Variants in ABTB2 observed in about 807,000 individuals in gnomAD.
The protein encoded by ABTB2 is ankyrin repeat and BTB domain containing 2.
In ABTB2, 56 loss-of-function variants were observed where a neutral mutation model predicts 104.1. The observed-to-expected ratio is 0.54, with a 90% CI of 0.43 to 0.67. The LOEUF (loss-of-function observed/expected upper bound fraction) is 0.67. Among genes scored for constraint, ABTB2 ranks in the 30% least tolerant of loss-of-function variants. ABTB2 has a pLI of 0.00. For synonymous variants in ABTB2, 606 were observed against 608.2 expected, an observed-to-expected ratio of 1.00 and a Z score of 0.05; for missense variants, 1,279 against 1,407.7, an observed-to-expected ratio of 0.91 and a Z score of 1.46.
chr11:34,231,165 G>A (rs1427528841), intron 1 of ABTB2, among the ~76,000 whole-genome samples: 6 of 152,180 alleles, frequency 3.9e-5, no homozygotes, highest in Admixed American at 1.3e-4. Context: ...CTAAAATGAT[G>A]AGATGGGAGC....
intron 13 of ABTB2, 81 bp downstream of exon 13, chr11:34,159,825 A>C: frequency 8.8e-7 from 1 of 1,135,152 alleles, no homozygotes. Flanking sequence ...AGCCCCAGCG[A>C]GTCACTCTCT....
At chr11:34,209,161 C>T (rs117094824) in intron 1 of ABTB2, among the ~76,000 whole-genome samples, 1 of 152,024 alleles carries the variant, frequency 6.6e-6, no homozygotes, top group Non-Finnish European at 1.5e-5. Flanking sequence ...GCCTGGCCAC[C>T]GTGGTGAAAC....
intron 1 of ABTB2, among the ~76,000 whole-genome samples, chr11:34,244,372 T>C (rs1376395712): frequency 2.0e-5 from 3 of 152,160 alleles, no homozygotes; most frequent in African/African-American, 4.8e-5. Context: ...CAGCAGCAGT[T>C]TCACCACAAT....
rs113526013 is a variant in ABTB2, at chr11:34,196,349, C to T, written c.1244+976G>A. ...CGCGTGGATCACGAGATCAGGAGAT[C>T]GAGACCATCCTTGCTAACACAGTGC... On this transcript the variant is annotated intron_variant, in intron 3 of 16. Coordinates refer to ENST00000435224, the MANE Select transcript of ABTB2 (RefSeq NM_145804.3). Among the ~76,000 whole-genome samples, 555 of 152,182 alleles carry T rather than the reference C, an allele frequency of 3.6e-3. 4 individuals carry two copies. The highest frequency in any genetic ancestry group is 0.013 in the African/African-American group (521 of 41,506).
chr11:34,180,505 C>T (rs1241882018), intron 3 of ABTB2, among the ~76,000 whole-genome samples: 2 of 152,198 alleles, frequency 1.3e-5, no homozygotes, highest in Non-Finnish European at 2.9e-5. Flanking sequence ...CAGACAAATC[C>T]CAGAGATGGA....
chr11:34,330,471 A>G (rs1855115587), intron 1 of ABTB2, among the ~76,000 whole-genome samples: 2 of 152,378 alleles, frequency 1.3e-5, no homozygotes, highest in East Asian at 1.9e-4. Context: ...GAAAGACACA[A>G]TAAATGGTAG....
chr11:34,167,269 G>C lies in ABTB2; in HGVS notation c.1745C>G (p.Ser582Cys). 1 of 1,611,042 alleles carries C rather than the reference G, an allele frequency of 6.2e-7. No homozygotes were observed. The highest frequency in any genetic ancestry group is 1.3e-5 in the African/African-American group (1 of 75,020). ...CTGGCAGGAGCTCACCTGGACCACAGAGATGTGTCCATGCAGCACAGCGAA... is the reference window on the plus strand; with the variant it reads ...CTGGCAGGAGCTCACCTGGACCACACAGATGTGTCCATGCAGCACAGCGAA... ...LTFAVLHGHI[S>C]VVQLLLDAGA... The change falls in exon 7 of 17, where the codon TCT becomes TGT. Residue 582 changes from serine (S) to cysteine (C), a missense_variant. Physicochemically the swap from Ser to Cys is moderately radical, Grantham distance 112. Coordinates refer to ENST00000435224, the MANE Select transcript of ABTB2 (RefSeq NM_145804.3).
At chr11:34,319,914 C>T (rs2133110302) in intron 1 of ABTB2, among the ~76,000 whole-genome samples, 1 of 152,252 alleles carries the variant, frequency 6.6e-6, no homozygotes, top group Non-Finnish European at 1.5e-5. Flanking sequence ...GTGATCCACC[C>T]ACCTCGGCCT....
chr11:34,309,476 AACACCAGAGGCAG>A (rs1854823558), intron 1 of ABTB2, among the ~76,000 whole-genome samples: 2 of 151,808 alleles, frequency 1.3e-5, no homozygotes, highest in Admixed American at 6.6e-5. Flanking sequence ...TACCGTGCTC[AACACCAGAGGCAG>A]TGCTGGGAGC....
intron 1 of ABTB2, among the ~76,000 whole-genome samples, chr11:34,226,821 T>C (rs752413608): frequency 1.3e-5 from 2 of 151,888 alleles, no homozygotes; most frequent in Non-Finnish European, 2.9e-5. Context: ...ATCCCAGCAC[T>C]TTGGGAGGCC....
intron 1 of ABTB2, among the ~76,000 whole-genome samples, chr11:34,302,852 G>T (rs1854723731): frequency 6.6e-6 from 1 of 152,172 alleles, no homozygotes; most frequent in Non-Finnish European, 1.5e-5. Context: ...CCAGGGGATT[G>T]GGAGCTACTC....
intron 1 of ABTB2, among the ~76,000 whole-genome samples, chr11:34,306,045 CT>C (rs1249466481): frequency 2.0e-5 from 3 of 152,002 alleles, no homozygotes; most frequent in Non-Finnish European, 4.4e-5. Flanking sequence ...AAAAATAATT[CT>C]AAAACATACC....
chr11:34,334,559 T>C (rs1855169685), intron 1 of ABTB2, among the ~76,000 whole-genome samples: 1 of 152,166 alleles, frequency 6.6e-6, no homozygotes, highest in Non-Finnish European at 1.5e-5. Flanking sequence ...TAATTAGCTA[T>C]AATGTGAACT....
intron 14 of ABTB2, among the ~76,000 whole-genome samples, chr11:34,158,330 G>A (rs551884670): frequency 4.6e-5 from 7 of 152,260 alleles, no homozygotes; most frequent in African/African-American, 1.7e-4. Flanking sequence ...GGAGAATGGC[G>A]TGAACCCGGG....
intron 1 of ABTB2, among the ~76,000 whole-genome samples, chr11:34,251,466 C>T (rs1854055868): frequency 6.6e-6 from 1 of 152,174 alleles, no homozygotes; most frequent in Admixed American, 6.5e-5. Context: ...GGGTGGCTGG[C>T]TCTGTTAAAG....
chr11:34,228,495 C>T (rs535822447), intron 1 of ABTB2, among the ~76,000 whole-genome samples: 1 of 152,298 alleles, frequency 6.6e-6, no homozygotes, highest in South Asian at 2.1e-4. Flanking sequence ...AGTAATTCTC[C>T]TGCCTCAGCC....
intron 1 of ABTB2, among the ~76,000 whole-genome samples, chr11:34,277,774 A>G (rs1277438912): frequency 6.6e-6 from 1 of 151,466 alleles, no homozygotes; most frequent in South Asian, 2.1e-4. Context: ...TCTCAAAAAC[A>G]AAATGAAACA....
intron 1 of ABTB2, among the ~76,000 whole-genome samples, chr11:34,283,959 C>A (rs531021757): frequency 5.3e-5 from 8 of 152,216 alleles, no homozygotes; most frequent in Non-Finnish European, 1.2e-4. Context: ...CTTGGTAAAT[C>A]TAAAGGAGGG....
intron 1 of ABTB2, chr11:34,242,530 G>A (rs1194828273): frequency 6.6e-6 from 1 of 152,370 alleles, no homozygotes; most frequent in Non-Finnish European, 1.5e-5. Flanking sequence ...AGTGGCTGCT[G>A]GACCATGGCA....
Sources: gnomAD v4.1 joint callset for allele counts (sites outside exome capture counted in the v4.1 genomes callset) on GRCh38, gnomAD v4.1.1 for gene constraint, MANE v1.5 for transcripts, NCBI Gene and HGNC (gene_info 2026-07-23, HGNC 2026-07-21) for gene names.